Variants in GALNTL6 observed in about 807,000 individuals in gnomAD.
GALNTL6 encodes the protein polypeptide N-acetylgalactosaminyltransferase like 6.
GALNTL6 carries 46 observed loss-of-function variants against 73.7 expected under a neutral mutation model. The ratio of observed to expected loss-of-function variants is 0.62; its 90% CI spans 0.49 to 0.80. The LOEUF is 0.80. GALNTL6 is among the 30% of genes least tolerant of loss of function. The pLI, the probability that GALNTL6 is intolerant of heterozygous loss-of-function variation, is 0.00. For missense variants in GALNTL6, 604 were observed against 755.0 expected (o/e 0.80, Z 2.34); for synonymous variants, 259 against 263.7 (o/e 0.98, Z 0.17).
intron 5 of GALNTL6, among the ~76,000 whole-genome samples, chr4:172,400,414 T>G (rs115787453): frequency 6.0e-4 from 91 of 152,270 alleles, no homozygotes; most frequent in African/African-American, 2.1e-3. Flanking sequence ...GTATTGATAA[T>G]GAATGCCAAG....
At chr4:172,381,180 G>T (rs1743270706) in intron 5 of GALNTL6, among the ~76,000 whole-genome samples, 1 of 152,190 alleles carries the variant, frequency 6.6e-6, no homozygotes, top group Non-Finnish European at 1.5e-5. Context: ...TTTGGACAAA[G>T]AAGTTAAGAC....
At chr4:172,920,365 T>C (rs1225281158) in intron 8 of GALNTL6, among the ~76,000 whole-genome samples, 1 of 152,232 alleles carries the variant, frequency 6.6e-6, no homozygotes, top group Non-Finnish European at 1.5e-5. Flanking sequence ...TTACCCTTTT[T>C]AGATGTAGTT....
chr4:172,278,207 T>G (rs73870059), intron 3 of GALNTL6, among the ~76,000 whole-genome samples: 7,248 of 152,268 alleles, frequency 0.048, 569 homozygotes, highest in African/African-American at 0.16. Context: ...TTATTGTACT[T>G]ATTTAAGTTT....
intron 2 of GALNTL6, among the ~76,000 whole-genome samples, chr4:172,034,389 AGC>A (rs1741865119): frequency 3.8e-5 from 4 of 105,130 alleles, no homozygotes; most frequent in African/African-American, 1.5e-4. Flanking sequence ...CCTTAAGGGG[AGC>A]GTGCGTGCGT....
intron 5 of GALNTL6, among the ~76,000 whole-genome samples, chr4:172,522,411 G>A (rs903328512): frequency 6.6e-6 from 1 of 152,008 alleles, no homozygotes; most frequent in Non-Finnish European, 1.5e-5. Context: ...TGGCTTACAC[G>A]TGTAATCCCA....
intron 10 of GALNTL6, among the ~76,000 whole-genome samples, chr4:172,966,326 CG>C (rs1386703453): frequency 1.3e-5 from 2 of 152,022 alleles, no homozygotes; most frequent in Non-Finnish European, 2.9e-5. Context: ...ACAAGAATAG[CG>C]CAGCCAATTA....
chr4:172,265,429 C>G (rs1738417255), intron 3 of GALNTL6, among the ~76,000 whole-genome samples: 1 of 152,012 alleles, frequency 6.6e-6, no homozygotes, highest in African/African-American at 2.4e-5. Context: ...AAAGACTAGA[C>G]AAAGCATTTC....
chr4:172,515,802 C>G (rs540296203), intron 5 of GALNTL6, among the ~76,000 whole-genome samples: 3 of 152,290 alleles, frequency 2.0e-5, no homozygotes, highest in African/African-American at 7.2e-5. Context: ...CTCCCAGCAC[C>G]TAAAAAATTT....
intron 2 of GALNTL6, among the ~76,000 whole-genome samples, chr4:171,884,326 T>C (rs1736548907): frequency 6.6e-6 from 1 of 152,168 alleles, no homozygotes; most frequent in Non-Finnish European, 1.5e-5. Flanking sequence ...TAGTATTTAT[T>C]ACCGACTATG....
intron 5 of GALNTL6, among the ~76,000 whole-genome samples, chr4:172,635,284 T>C (rs1739616129): frequency 6.6e-6 from 1 of 152,180 alleles, no homozygotes; most frequent in Non-Finnish European, 1.5e-5. Flanking sequence ...ATTTTTCAAA[T>C]ATAGTGCGAC....
At chr4:172,501,914 G>T (rs1434383427) in intron 5 of GALNTL6, among the ~76,000 whole-genome samples, 1 of 152,030 alleles carries the variant, frequency 6.6e-6, no homozygotes, top group African/African-American at 2.4e-5. Context: ...AGTCACTAAA[G>T]AATTAGCATT....
At chr4:172,629,798 T>C (rs1461149733) in intron 5 of GALNTL6, among the ~76,000 whole-genome samples, 4 of 152,176 alleles carry the variant, frequency 2.6e-5, no homozygotes, top group African/African-American at 7.2e-5. Context: ...CCTGTGCACC[T>C]GGGAAATCAA....
intron 2 of GALNTL6, among the ~76,000 whole-genome samples, chr4:172,125,904 G>T (rs1026258161): frequency 1.3e-5 from 2 of 151,810 alleles, no homozygotes; most frequent in Non-Finnish European, 1.5e-5. Flanking sequence ...TCTGAATTTA[G>T]ACAAAATTAT....
At chr4:172,329,035 G>A (rs758253225) in intron 4 of GALNTL6, among the ~76,000 whole-genome samples, 7 of 152,206 alleles carry the variant, frequency 4.6e-5, no homozygotes, top group Non-Finnish European at 4.4e-5. Flanking sequence ...AGCAGGGGCA[G>A]GGTGGTTGTA....
intron 5 of GALNTL6, among the ~76,000 whole-genome samples, chr4:172,614,684 G>T (rs1263011901): frequency 1.3e-5 from 2 of 152,160 alleles, no homozygotes; most frequent in Non-Finnish European, 2.9e-5. Context: ...TCTGTAGACA[G>T]GTGCGTAAAA....
intron 5 of GALNTL6, among the ~76,000 whole-genome samples, chr4:172,754,378 C>T (rs1401196069): frequency 6.6e-6 from 1 of 152,098 alleles, no homozygotes; most frequent in African/African-American, 2.4e-5. Flanking sequence ...CAAGACAAGC[C>T]TGGCCAACAT....
In GALNTL6 at chr4:172,867,362, T is replaced by G. The variant is rs1196725189; in HGVS notation, c.924-15428T>G. 2.0e-5 allele frequency among the ~76,000 whole-genome samples: 3 copies of G among 152,154 alleles called. No homozygotes were observed. In the East Asian group the frequency reaches 5.8e-4, roughly 29 times the overall value. On this transcript the variant is annotated intron_variant, in intron 7 of 12. Coordinates refer to ENST00000506823, the MANE Select transcript of GALNTL6 (RefSeq NM_001034845.3). ...AGATGCTAAGTAGGTGTTTGTGGTT[T>G]TAGAGGACAGAGGTGGGACATCTGA...
At chr4:171,856,163 C>G (rs927080681) in intron 2 of GALNTL6, among the ~76,000 whole-genome samples, 3 of 151,982 alleles carry the variant, frequency 2.0e-5, no homozygotes, top group African/African-American at 7.3e-5. Context: ...AGTGCAGTGG[C>G]GAGATCTTGG....
rs566528152 is a variant in GALNTL6, at chr4:171,882,365, G to T, written c.138+67647G>T. ...ATAGTGAATAAACTATTGTATTAGG[G>T]TTCTCTAGAGGAACAGAACAAATGA... On this transcript the variant is annotated intron_variant, in intron 2 of 12. Transcript: ENST00000506823. Among the ~76,000 whole-genome samples the T allele has an allele frequency of 3.3e-5, 5 of 152,268 alleles. No homozygotes were observed. In the South Asian group the frequency reaches 6.2e-4, roughly 19 times the overall value.
Sources: allele counts gnomAD v4.1 joint callset (sites outside exome capture counted in the v4.1 genomes callset), GRCh38; gene constraint gnomAD v4.1.1; transcripts MANE v1.5; gene names NCBI Gene and HGNC (gene_info 2026-07-23, HGNC 2026-07-21).